PDE1A: variants seen among roughly 807,000 people sequenced by gnomAD.
PDE1A encodes the protein phosphodiesterase 1A.
Under a neutral mutation model 61.7 loss-of-function variants are expected in PDE1A, and 35 were observed. The ratio of observed to expected loss-of-function variants is 0.57; its 90% CI spans 0.43 to 0.75. The LOEUF is 0.75. Ranked by LOEUF, PDE1A falls within the 30% of genes least tolerant of loss-of-function variation. The pLI, the probability that PDE1A is intolerant of heterozygous loss-of-function variation, is 0.00. For missense variants in PDE1A, 597 were observed against 630.6 expected, an observed-to-expected ratio of 0.95 and a Z score of 0.57; for synonymous variants, 232 against 213.2, an observed-to-expected ratio of 1.09 and a Z score of -0.77.
intron 1 of PDE1A, among the ~76,000 whole-genome samples, chr2:182,288,168 T>C (rs932932451): frequency 1.3e-5 from 2 of 152,158 alleles, no homozygotes; most frequent in African/African-American, 4.8e-5. Flanking sequence ...AATAGAATGT[T>C]TGTAGTAATA....
chr2:182,292,855 G>C (rs555707105), intron 1 of PDE1A, among the ~76,000 whole-genome samples: 92 of 151,958 alleles, frequency 6.1e-4, no homozygotes, highest in Admixed American at 1.6e-3. Context: ...ATATAGCATA[G>C]CTTTTTGTTA....
At chr2:182,644,541 A>G in the PDE1A span, among the ~76,000 whole-genome samples, 1 of 152,200 alleles carries the variant, frequency 6.6e-6, no homozygotes, top group South Asian at 2.1e-4. Flanking sequence ...ATATAGTTTA[A>G]GAAGTACAAT....
At chr2:182,204,801 G>A (rs1686962674) in intron 8 of PDE1A, among the ~76,000 whole-genome samples, 1 of 152,172 alleles carries the variant, frequency 6.6e-6, no homozygotes, top group Non-Finnish European at 1.5e-5. Flanking sequence ...CCCCTGTATT[G>A]TTCAAGGGTC....
chr2:182,334,756 G>C (rs778076654), intron 1 of PDE1A, among the ~76,000 whole-genome samples: 18 of 152,170 alleles, frequency 1.2e-4, no homozygotes, highest in Non-Finnish European at 1.8e-4. Flanking sequence ...ATTCAACATA[G>C]TTTTGGAAGT....
rs139720330 is a variant in PDE1A, at chr2:182,501,155, T to TAG, written c.101+21119_101+21120dup. Among the ~76,000 whole-genome samples the TAG allele has an allele frequency of 1.3e-4, 20 of 152,332 alleles. No individual in the cohort carries two copies. In the East Asian group the frequency reaches 3.3e-3, roughly 25 times the overall value. ...CAACTGAAACTACTACTACTGTGAA[T>TAG]AGAGGCACAACGACCCTTATATAGT... On this transcript the variant is annotated intron_variant, in intron 2 of 14. Transcript: ENST00000410103.
chr2:182,328,465 G>C (rs909722515), intron 1 of PDE1A, among the ~76,000 whole-genome samples: 2 of 152,124 alleles, frequency 1.3e-5, no homozygotes, highest in Non-Finnish European at 2.9e-5. Context: ...AAGTTGGGGA[G>C]AGAAATAAAG....
chr2:182,537,612 C>T, the PDE1A span, among the ~76,000 whole-genome samples: 2 of 151,542 alleles, frequency 1.3e-5, no homozygotes, highest in African/African-American at 4.9e-5. Flanking sequence ...CAAACTTGCA[C>T]GTTATGCACG....
At chr2:182,356,155 A>T (rs763577205) in intron 1 of PDE1A, among the ~76,000 whole-genome samples, 22 of 152,306 alleles carry the variant, frequency 1.4e-4, no homozygotes, top group South Asian at 6.2e-4. Flanking sequence ...CAAAGAAAGA[A>T]GACTTAAAGT....
chr2:182,653,668 A>C, the PDE1A span, among the ~76,000 whole-genome samples: 1 of 152,200 alleles, frequency 6.6e-6, no homozygotes, highest in Non-Finnish European at 1.5e-5. Flanking sequence ...GATGTAATCA[A>C]CTTGCCATCA....
At position 182,354,874 on chromosome 2, in the gene PDE1A, T is replaced by C. The variant is rs530457991; in HGVS notation, c.53+71704A>G. On this transcript the variant is annotated intron_variant, in intron 1 of 13. Transcript: ENST00000351439. ...GTTGATCAGCTTTATCAGTATGACT[T>C]TGGGGTAAGGGTACTTTTTAATAAT... Among the ~76,000 whole-genome samples the C allele has an allele frequency of 7.9e-5, 12 of 152,164 alleles. No individual in the cohort carries two copies. In the East Asian group the frequency reaches 2.1e-3, roughly 27 times the overall value.
At chr2:182,675,352 T>C in the PDE1A span, among the ~76,000 whole-genome samples, 15 of 152,314 alleles carry the variant, frequency 9.8e-5, no homozygotes, top group African/African-American at 3.6e-4. Flanking sequence ...TTATCCAATC[T>C]GTCATAGATG....
chr2:182,252,877 G>A (rs1549870), intron 2 of PDE1A, among the ~76,000 whole-genome samples: 15,668 of 152,238 alleles, frequency 0.1, 1,143 homozygotes, highest in East Asian at 0.31. Context: ...AGATAAAAGA[G>A]ATGGAGAGTA....
Position 182,311,210 on chromosome 2 carries a change from T to C in PDE1A, c.54-46796A>G, listed in dbSNP as rs189705643. 1.9e-3 allele frequency among the ~76,000 whole-genome samples: 294 copies of C among 152,354 alleles called. 2 individuals are homozygous for C. The highest frequency in any genetic ancestry group is 6.8e-3 in the African/African-American group (284 of 41,580). On this transcript the variant is annotated intron_variant, in intron 1 of 13. Transcript: ENST00000351439. ...TAACTTCACTCTTCTGCTTTTCATC[T>C]ATTTAGATAGAAACTCTCTAACCAA...
upstream of PDE1A, among the ~76,000 whole-genome samples, chr2:182,525,057 T>C (rs1175051618): frequency 6.6e-6 from 1 of 152,032 alleles, no homozygotes; most frequent in Non-Finnish European, 1.5e-5. Context: ...AATTATGTGA[T>C]TTTTTACAAG....
chr2:182,379,734 T>C (rs1014807769), intron 1 of PDE1A, among the ~76,000 whole-genome samples: 13 of 152,184 alleles, frequency 8.5e-5, no homozygotes, highest in Admixed American at 7.2e-4. Flanking sequence ...TATGAAATAT[T>C]TTTCTTTCCA....
intron 2 of PDE1A, among the ~76,000 whole-genome samples, chr2:182,493,712 T>C (rs1404520285): frequency 6.6e-6 from 1 of 152,188 alleles, no homozygotes; most frequent in Non-Finnish European, 1.5e-5. Context: ...TAAGAAAATG[T>C]GGCACATATA....
At chr2:182,301,040 T>A (rs1384124909) in intron 1 of PDE1A, among the ~76,000 whole-genome samples, 1 of 152,156 alleles carries the variant, frequency 6.6e-6, no homozygotes, top group African/African-American at 2.4e-5. Flanking sequence ...AGATATGGGT[T>A]TAGCTTTTCT....
At chr2:182,541,293 C>A in the PDE1A span, among the ~76,000 whole-genome samples, 1 of 152,190 alleles carries the variant, frequency 6.6e-6, no homozygotes, top group Admixed American at 6.5e-5. Context: ...GGTTCTGGCC[C>A]TACTCCTTGC....
At chr2:182,193,190 A>T (rs1024768804) in intron 10 of PDE1A, among the ~76,000 whole-genome samples, 1 of 151,710 alleles carries the variant, frequency 6.6e-6, no homozygotes, top group African/African-American at 2.4e-5. Flanking sequence ...GTTTCACCAT[A>T]TTGGCCAGGT....
Sources: allele counts gnomAD v4.1 joint callset (sites outside exome capture counted in the v4.1 genomes callset), GRCh38; gene constraint gnomAD v4.1.1; transcripts MANE v1.5; gene names NCBI Gene and HGNC (gene_info 2026-07-23, HGNC 2026-07-21).